Variants in ARHGAP26 observed in about 807,000 individuals in gnomAD.
ARHGAP26 encodes rho GTPase-activating protein 26.
In ARHGAP26, 38 loss-of-function variants were observed where a neutral mutation model predicts 104.8. The ratio of observed to expected loss-of-function variants is 0.36; its 90% CI spans 0.28 to 0.48. The LOEUF (loss-of-function observed/expected upper bound fraction) is 0.48, where lower values mean the gene tolerates loss of function less well. Among genes scored for constraint, ARHGAP26 ranks in the 20% least tolerant of loss-of-function variants. The pLI is 0.99. For synonymous variants in ARHGAP26, 341 were observed against 340.0 expected, an observed-to-expected ratio of 1.00 and a Z score of -0.03; for missense variants, 704 against 947.9, an observed-to-expected ratio of 0.74 and a Z score of 3.38.
At chr5:142,991,600 T>G (rs1775622875) in intron 11 of ARHGAP26, among the ~76,000 whole-genome samples, 1 of 152,208 alleles carries the variant, frequency 6.6e-6, no homozygotes, top group South Asian at 2.1e-4. Context: ...CCTCCCCCAC[T>G]TTTTATCTTT....
At chr5:142,978,612 TTC>T (rs1212506507) in intron 11 of ARHGAP26, among the ~76,000 whole-genome samples, 1 of 152,182 alleles carries the variant, frequency 6.6e-6, no homozygotes, top group African/African-American at 2.4e-5. Context: ...TAACACTGAC[TTC>T]ATAGAGTTCT....
chr5:143,024,327 A>C (rs1356199964), intron 12 of ARHGAP26, among the ~76,000 whole-genome samples: 2 of 152,012 alleles, frequency 1.3e-5, no homozygotes, highest in African/African-American at 4.8e-5. Context: ...CCTCTCTCTC[A>C]GCTAGCTTTA....
At chr5:143,211,503 C>A (rs1298375853) in intron 21 of ARHGAP26, among the ~76,000 whole-genome samples, 2 of 151,968 alleles carry the variant, frequency 1.3e-5, no homozygotes, top group African/African-American at 2.4e-5. Flanking sequence ...CTCCCATAGA[C>A]TGTCAGTTGC....
chr5:143,195,657 C>T (rs1302401736), intron 20 of ARHGAP26, among the ~76,000 whole-genome samples: 1 of 152,166 alleles, frequency 6.6e-6, no homozygotes, highest in Non-Finnish European at 1.5e-5. Context: ...TTTCTCAGTG[C>T]AGTAGGCAGA....
intron 1 of ARHGAP26, among the ~76,000 whole-genome samples, chr5:142,783,425 G>A (rs1757915813): frequency 6.6e-6 from 1 of 152,180 alleles, no homozygotes; most frequent in African/African-American, 2.4e-5. Flanking sequence ...AGTCTTGGGT[G>A]CTCTTGTCAG....
chr5:142,848,881 C>G (rs1750961760), intron 1 of ARHGAP26, among the ~76,000 whole-genome samples: 1 of 152,178 alleles, frequency 6.6e-6, no homozygotes. Context: ...TCTTTCCCGC[C>G]TACTTGGTTT....
At chr5:142,805,035 A>G (rs1597697169) in intron 1 of ARHGAP26, among the ~76,000 whole-genome samples, 3 of 149,628 alleles carry the variant, frequency 2.0e-5, no homozygotes, top group South Asian at 4.2e-4. Flanking sequence ...ATTCCTTTTT[A>G]TTGCTGAATA....
At chr5:142,771,204 G>T in intron 1 of ARHGAP26, 2 of 1,281,122 alleles carry the variant, frequency 1.6e-6, no homozygotes, top group East Asian at 3.1e-5. Flanking sequence ...TGCGCGGCAC[G>T]CAGGTGTCCC....
At position 143,226,350 on chromosome 5, in the gene ARHGAP26, G is replaced by A. The variant is rs910098910; in HGVS notation, c.*3904G>A. ...CAAAAAATTAGCCGGGTGTGGTGGC[G>A]GGCGCCTGTAGTCCCAGCTACTCTG... On this transcript the variant is annotated 3_prime_UTR_variant, in exon 23 of 23. Coordinates refer to ENST00000645722, the MANE Select transcript of ARHGAP26 (RefSeq NM_001135608.3). 3.7e-4 allele frequency: 64 copies of A among 175,244 alleles called. No individual in the cohort carries two copies. Among genetic ancestry groups the A allele is most frequent in the African/African-American group, 1.3e-3 (55 of 42,220 alleles). 10.9% of individuals were successfully genotyped at this position (175,244 alleles called of 1,614,324 possible).
intron 17 of ARHGAP26, among the ~76,000 whole-genome samples, chr5:143,086,930 G>A (rs1301655327): frequency 6.6e-6 from 1 of 152,146 alleles, no homozygotes; most frequent in Non-Finnish European, 1.5e-5. Context: ...TACCTCCACT[G>A]TCTCAAATAT....
intron 3 of ARHGAP26, among the ~76,000 whole-genome samples, chr5:142,876,776 C>CAAA (rs34843524): frequency 1.2e-4 from 6 of 48,452 alleles, no homozygotes; most frequent in African/African-American, 2.1e-4. Flanking sequence ...GACCCTGTGT[C>CAAA]AAAAAAAAAA....
At chr5:143,159,058 ACCACC>A (rs1192581863) in intron 20 of ARHGAP26, among the ~76,000 whole-genome samples, 2 of 152,236 alleles carry the variant, frequency 1.3e-5, no homozygotes, top group Non-Finnish European at 2.9e-5. Flanking sequence ...CTGCCCAGTC[ACCACC>A]CTTAGCTGAG....
intron 1 of ARHGAP26, among the ~76,000 whole-genome samples, chr5:142,779,768 G>A (rs949169070): frequency 1.3e-5 from 2 of 152,192 alleles, no homozygotes; most frequent in African/African-American, 2.4e-5. Context: ...CTGTTTCTGT[G>A]CCAAGGAGAC....
chr5:142,848,579 G>T (rs1750910985), intron 1 of ARHGAP26, among the ~76,000 whole-genome samples: 1 of 152,192 alleles, frequency 6.6e-6, no homozygotes, highest in Non-Finnish European at 1.5e-5. Flanking sequence ...GTAAGGCTGT[G>T]TGAACATCAT....
intron 11 of ARHGAP26, among the ~76,000 whole-genome samples, chr5:142,949,780 T>C (rs1470243847): frequency 6.6e-6 from 1 of 152,174 alleles, no homozygotes; most frequent in Non-Finnish European, 1.5e-5. Flanking sequence ...CATGGATCAA[T>C]ATGGACAGGG....
intron 1 of ARHGAP26, among the ~76,000 whole-genome samples, chr5:142,783,331 C>G (rs1273858509): frequency 2.0e-5 from 3 of 152,356 alleles, no homozygotes; most frequent in African/African-American, 7.2e-5. Flanking sequence ...AACCCTTCAG[C>G]AGCATTGCCA....
chr5:142,947,708 G>A (rs750356758), intron 11 of ARHGAP26, among the ~76,000 whole-genome samples: 10 of 152,172 alleles, frequency 6.6e-5, no homozygotes, highest in South Asian at 4.1e-4. Flanking sequence ...TTTGTTGAAT[G>A]TCTTGGGTTT....
At chr5:143,121,830 T>C (rs889179293) in intron 18 of ARHGAP26, among the ~76,000 whole-genome samples, 1 of 152,208 alleles carries the variant, frequency 6.6e-6, no homozygotes, top group Admixed American at 6.5e-5. Context: ...ATTGCTCTTA[T>C]GAGCAAATCC....
At chr5:143,045,857 G>T (rs935064502) in intron 14 of ARHGAP26, among the ~76,000 whole-genome samples, 3 of 152,174 alleles carry the variant, frequency 2.0e-5, no homozygotes, top group African/African-American at 7.2e-5. Flanking sequence ...AATTAGGCTG[G>T]GTGTGGTGGC....
Sources: allele counts gnomAD v4.1 joint callset (sites outside exome capture counted in the v4.1 genomes callset), GRCh38; gene constraint gnomAD v4.1.1; transcripts MANE v1.5; gene names NCBI Gene and HGNC (gene_info 2026-07-23, HGNC 2026-07-21).